The following HFM1 variants were observed in gnomAD, a reference collection of about 807,000 sequenced individuals.
HFM1 encodes helicase for meiosis 1, also known as probable ATP-dependent DNA helicase HFM1.
HFM1 carries 169 observed loss-of-function variants against 192.1 expected under a neutral mutation model. The observed-to-expected ratio is 0.88, with a 90% confidence interval of 0.78 to 1.00. HFM1 has a LOEUF of 1.00. Among genes scored for constraint, HFM1 ranks in the 50% least tolerant of loss-of-function variants. HFM1 has a pLI of 0.00. For missense variants in HFM1, 1,661 were observed against 1,668.0 expected (o/e 1.00, Z 0.07); for synonymous variants, 525 against 537.8 (o/e 0.98, Z 0.33).
chr1:91,339,573 T>C (rs915812970), intron 20 of HFM1, among the ~76,000 whole-genome samples: 3 of 151,816 alleles, frequency 2.0e-5, no homozygotes, highest in African/African-American at 7.3e-5. Context: ...GGTTTTCAAG[T>C]CTACTCAGTC....
chr1:91,382,744 T>C (rs1219176837), intron 6 of HFM1, among the ~76,000 whole-genome samples: 4 of 152,200 alleles, frequency 2.6e-5, no homozygotes, highest in African/African-American at 4.8e-5. Context: ...ACAAAATGAA[T>C]CTTTGATTCA....
intron 30 of HFM1, among the ~76,000 whole-genome samples, chr1:91,285,926 T>C (rs1417964469): frequency 6.6e-6 from 1 of 152,104 alleles, no homozygotes; most frequent in East Asian, 1.9e-4. Context: ...TTGGTAGGTG[T>C]CTCAATGATC....
intron 4 of HFM1, among the ~76,000 whole-genome samples, chr1:91,387,570 C>T (rs1233276980): frequency 6.6e-6 from 1 of 151,994 alleles, no homozygotes; most frequent in Non-Finnish European, 1.5e-5. Context: ...AGTCAAACTC[C>T]CCACCTGGCA....
intron 13 of HFM1, among the ~76,000 whole-genome samples, chr1:91,372,858 C>A (rs578206656): frequency 6.6e-6 from 1 of 152,278 alleles, no homozygotes; most frequent in African/African-American, 2.4e-5. Context: ...TTCTACCTCT[C>A]AGACTTCATC....
At chr1:91,287,370 C>G (rs1256710977) in intron 30 of HFM1, among the ~76,000 whole-genome samples, 2 of 152,152 alleles carry the variant, frequency 1.3e-5, no homozygotes, top group South Asian at 4.1e-4. Flanking sequence ...CCCAAGCAGC[C>G]TAACTGGGAG....
chr1:91,365,926 C>A, intron 13 of HFM1, among the ~76,000 whole-genome samples: 1 of 145,088 alleles, frequency 6.9e-6, no homozygotes. Flanking sequence ...AAAGTAGCAG[C>A]ACTGTAATTC....
At chr1:91,338,848 T>C (rs1654951051) in intron 20 of HFM1, 4 of 446,418 alleles carry the variant, frequency 9.0e-6, no homozygotes, top group South Asian at 4.8e-5. Context: ...ATACAGCCAC[T>C]GTTGGCATTA....
At chr1:91,282,883 C>CA (rs1256437614) in intron 30 of HFM1, among the ~76,000 whole-genome samples, 1 of 152,150 alleles carries the variant, frequency 6.6e-6, no homozygotes, top group East Asian at 1.9e-4. Flanking sequence ...AACGCTGCCA[C>CA]AAGGTGGTGC....
At chr1:91,396,946 A>T (rs1571239683) in intron 2 of HFM1, among the ~76,000 whole-genome samples, 1 of 152,214 alleles carries the variant, frequency 6.6e-6, no homozygotes, top group South Asian at 2.1e-4. Flanking sequence ...CTGTCAGATC[A>T]GCAACGACAT....
At chr1:91,370,234 AT>A (rs1274636397) in intron 13 of HFM1, among the ~76,000 whole-genome samples, 4 of 152,298 alleles carry the variant, frequency 2.6e-5, no homozygotes, top group African/African-American at 9.6e-5. Flanking sequence ...TCCCTAACGC[AT>A]TTTATGAGGC....
chr1:91,333,624 G>A (rs1264045246), intron 20 of HFM1, among the ~76,000 whole-genome samples: 1 of 152,028 alleles, frequency 6.6e-6, no homozygotes, highest in African/African-American at 2.4e-5. Flanking sequence ...CAGTATAATT[G>A]GACTGTCTGT....
At chr1:91,364,828 T>C (rs1557454567) in intron 13 of HFM1, among the ~76,000 whole-genome samples, 2 of 151,034 alleles carry the variant, frequency 1.3e-5, no homozygotes, top group Admixed American at 1.3e-4. Context: ...AGAGATGGGG[T>C]TTCACCATGT....
intron 25 of HFM1, among the ~76,000 whole-genome samples, chr1:91,318,198 T>G (rs281996): frequency 0.7 from 106,108 of 151,904 alleles, 37,337 homozygotes; most frequent in East Asian, 0.83. Context: ...ATCTCTCCCC[T>G]TACTTTCACC....
At chr1:91,360,257 T>C (rs1658316611) in intron 13 of HFM1, among the ~76,000 whole-genome samples, 1 of 152,128 alleles carries the variant, frequency 6.6e-6, no homozygotes, top group South Asian at 2.1e-4. Context: ...AATGGCAAGC[T>C]GGATAAAGAG....
chr1:91,316,724 A>G (rs1651282224), intron 25 of HFM1, among the ~76,000 whole-genome samples: 1 of 152,224 alleles, frequency 6.6e-6, no homozygotes, highest in African/African-American at 2.4e-5. Flanking sequence ...TCTGGTCCAC[A>G]TGATGGATGT....
chr1:91,378,197 C>G lies in HFM1; in HGVS notation c.1237-14G>C. On this transcript the variant is annotated splice_polypyrimidine_tract_variant and intron_variant, in intron 10 of 38. Transcript: ENST00000370425. ...TACAATATGTACCTAAGCAGGAAAT[C>G]AAGAAAAAATCATTAGCTATAGAAT... The G allele has an allele frequency of 6.4e-7, 1 of 1,553,014 alleles. No individual in the cohort carries two copies. Among genetic ancestry groups the G allele is most frequent in the Non-Finnish European group, 8.7e-7 (1 of 1,151,438 alleles).
chr1:91,364,632 A>ATATATATTTTTTTTTTTTT (rs753472335), intron 13 of HFM1, among the ~76,000 whole-genome samples: 1 of 66,816 alleles, frequency 1.5e-5, no homozygotes, highest in Non-Finnish European at 2.5e-5. Context: ...ATATATATAT[A>ATATATATTTTTTTTTTTTT]TTTTTTTTTT....
intron 20 of HFM1, among the ~76,000 whole-genome samples, chr1:91,338,517 C>T (rs2101602445): frequency 6.6e-6 from 1 of 152,286 alleles, no homozygotes; most frequent in East Asian, 1.9e-4. Context: ...CCTTAGCCAG[C>T]AGATGCCACT....
At chr1:91,356,774 C>A (rs1306487115) in intron 13 of HFM1, among the ~76,000 whole-genome samples, 4 of 151,148 alleles carry the variant, frequency 2.6e-5, no homozygotes, top group African/African-American at 9.7e-5. Flanking sequence ...AAATCACCAA[C>A]AGATGCCTCA....
Sources: allele counts gnomAD v4.1 joint callset (sites outside exome capture counted in the v4.1 genomes callset), GRCh38; gene constraint gnomAD v4.1.1; transcripts MANE v1.5; gene names NCBI Gene and HGNC (gene_info 2026-07-23, HGNC 2026-07-21).